The following RRM2 variants were observed in gnomAD, a reference collection of about 807,000 sequenced individuals.
RRM2 encodes the protein ribonucleotide reductase regulatory subunit M2, also known as ribonucleoside-diphosphate reductase subunit M2.
Under a neutral mutation model 45.9 loss-of-function variants are expected in RRM2, and 6 were observed. The ratio of observed to expected loss-of-function variants is 0.13; its 90% confidence interval spans 0.07 to 0.26. RRM2 has a LOEUF of 0.26. Ranked by LOEUF, RRM2 falls within the 10% of genes least tolerant of loss-of-function variation. The pLI, the probability that RRM2 is intolerant of heterozygous loss-of-function variation, is 1.00. For missense variants in RRM2, 343 were observed against 489.5 expected, an observed-to-expected ratio of 0.70 and a Z score of 2.82; for synonymous variants, 177 against 173.0, an observed-to-expected ratio of 1.02 and a Z score of -0.18.
At chr2:10,206,035 A>G (rs1664657831) in intron 3 of RRM2, among the ~76,000 whole-genome samples, 1 of 152,052 alleles carries the variant, frequency 6.6e-6, no homozygotes, top group Non-Finnish European at 1.5e-5. Context: ...TCATGAGGTC[A>G]GGAGATCGAG....
downstream of RRM2, among the ~76,000 whole-genome samples, chr2:10,133,432 C>T (rs533050793): frequency 6.6e-6 from 1 of 152,232 alleles, no homozygotes; most frequent in Non-Finnish European, 1.5e-5. Flanking sequence ...TGTTCTGTCA[C>T]CTGGCCAGGG....
intron 5 of RRM2, 115 bp downstream of exon 5, chr2:10,124,965 G>A: frequency 1.1e-6 from 1 of 938,996 alleles, no homozygotes; most frequent in East Asian, 2.5e-5. Flanking sequence ...GACAGTCATA[G>A]GCATTCCCAG....
chr2:10,203,042 G>T (rs76017693), intron 3 of RRM2, among the ~76,000 whole-genome samples: 1 of 152,232 alleles, frequency 6.6e-6, no homozygotes, highest in Non-Finnish European at 1.5e-5. Context: ...CAAAAGGCCA[G>T]CGAGGGAGAA....
In RRM2 at chr2:10,129,315, G is replaced by A; in HGVS notation, c.1099G>A (p.Gly367Ser). The A allele has an allele frequency of 6.2e-7, 1 of 1,614,172 alleles. No individual in the cohort carries two copies. The highest frequency in any genetic ancestry group is 8.5e-7 in the Non-Finnish European group (1 of 1,180,008). ...GACTAACTTCTTTGAGAAGAGAGTA[G>A]GCGAGTATCAGAGGATGGGAGTGAT... ...GKTNFFEKRVGEYQRMGVMSS... is the reference protein window; with the variant it reads ...GKTNFFEKRVSEYQRMGVMSS... Residue 367 changes from glycine (G) to serine (S), a missense_variant, in exon 10 of 10, where the codon GGC becomes AGC. Coordinates refer to ENST00000304567, the MANE Select transcript of RRM2 (RefSeq NM_001034.4). This position sits in a 1 kb window ranked among gnomAD's most constrained non-coding sequence, Gnocchi z 4.8.
At chr2:10,123,874 C>G in intron 4 of RRM2, 22 bp downstream of exon 4, 1 of 1,331,750 alleles carries the variant, frequency 7.5e-7, no homozygotes, top group Admixed American at 1.7e-5. Flanking sequence ...AAACATCTTT[C>G]ATTCATTTGA....
At chr2:10,179,023 T>C (rs944247836) in intron 3 of RRM2, among the ~76,000 whole-genome samples, 1 of 150,406 alleles carries the variant, frequency 6.6e-6, no homozygotes, top group Non-Finnish European at 1.5e-5. Context: ...TTATAAATTA[T>C]GCAGTCTAGG....
chr2:10,179,802 G>A (rs1265937054), intron 3 of RRM2, among the ~76,000 whole-genome samples: 1 of 152,174 alleles, frequency 6.6e-6, no homozygotes, highest in East Asian at 1.9e-4. Flanking sequence ...GGGATTGTCA[G>A]TATTTTTAGA....
At chr2:10,138,364 T>C (rs574273626), upstream of RRM2, among the ~76,000 whole-genome samples, 2 of 152,156 alleles carry the variant, frequency 1.3e-5, no homozygotes, top group South Asian at 4.2e-4. Flanking sequence ...ACGGGGTTTC[T>C]GCATGTTGGT....
chr2:10,145,623 A>C (rs1206254674), intron 3 of RRM2: 1 of 152,252 alleles, frequency 6.6e-6, no homozygotes, highest in Non-Finnish European at 1.5e-5. Context: ...GGTGCCAGAC[A>C]GTGGGCCTGG....
chr2:10,143,089 G>A lies in RRM2; in HGVS notation n.482+714G>A, dbSNP rs1280939472. 3.9e-5 allele frequency among the ~76,000 whole-genome samples: 6 copies of A among 152,334 alleles called. No individual in the cohort carries two copies. The South Asian group carries it at 1.2e-3, about 32-fold the overall frequency. Reference sequence around the variant, plus strand: ...AGAGTTTCACCGTGTTAGCCAGGATGGTCTTGATCTCCTGACCTCGTGATC... The same window carrying A: ...AGAGTTTCACCGTGTTAGCCAGGATAGTCTTGATCTCCTGACCTCGTGATC... On this transcript the variant is annotated intron_variant and non_coding_transcript_variant, in intron 3 of 3. Transcript: ENST00000381786.
At chr2:10,155,411 C>T (rs567517974) in intron 3 of RRM2, among the ~76,000 whole-genome samples, 6 of 152,276 alleles carry the variant, frequency 3.9e-5, no homozygotes, top group African/African-American at 1.2e-4. Context: ...TCCATCCAGC[C>T]GGTGAGCCAG....
At chr2:10,150,173 C>T (rs946418942) in intron 3 of RRM2, among the ~76,000 whole-genome samples, 11 of 152,092 alleles carry the variant, frequency 7.2e-5, no homozygotes, top group East Asian at 3.9e-4. Flanking sequence ...ATTAGCCGGG[C>T]GTGGTGGTGC....
At chr2:10,159,748 A>G (rs929381477) in intron 3 of RRM2, among the ~76,000 whole-genome samples, 7 of 152,102 alleles carry the variant, frequency 4.6e-5, no homozygotes, top group Admixed American at 2.0e-4. Flanking sequence ...CTTTTCCCCA[A>G]CACTCAGATC....
chr2:10,124,402 G>A (rs190435090), intron 4 of RRM2, among the ~76,000 whole-genome samples: 3 of 152,216 alleles, frequency 2.0e-5, no homozygotes, highest in Non-Finnish European at 4.4e-5. Context: ...CACCACGCCC[G>A]GCTCTGCTCC....
In RRM2 at chr2:10,171,689, T is replaced by C. The variant is rs776826231; in HGVS notation, n.482+29314T>C. Reference sequence around the variant, plus strand: ...GGATGCCACCCCAGGACCCCTGGCATAGGGAGCCGAGCAGGGCAGCCGGGC... The same window carrying C: ...GGATGCCACCCCAGGACCCCTGGCACAGGGAGCCGAGCAGGGCAGCCGGGC... On this transcript the variant is annotated intron_variant and non_coding_transcript_variant, in intron 3 of 3. Transcript: ENST00000381786. This position sits in a 1 kb window ranked among gnomAD's most constrained non-coding sequence, Gnocchi z 4.1. Among the ~76,000 whole-genome samples the C allele has an allele frequency of 3.9e-5, 6 of 152,208 alleles. No homozygotes were observed. Among genetic ancestry groups the C allele is most frequent in the East Asian group, 3.9e-4 (2 of 5,184 alleles).
intron 3 of RRM2, among the ~76,000 whole-genome samples, chr2:10,160,174 G>A (rs1663526946): frequency 1.3e-5 from 2 of 152,256 alleles, no homozygotes; most frequent in Admixed American, 6.5e-5. Flanking sequence ...CACATAGTTC[G>A]GGTTTCACCT....
intron 3 of RRM2, 46 bp downstream of exon 3, chr2:10,123,576 C>G: frequency 1.3e-6 from 2 of 1,577,650 alleles, no homozygotes; most frequent in Non-Finnish European, 1.7e-6. Context: ...GACCGTCACG[C>G]CTCAGACATA....
At chr2:10,158,303 G>A (rs544329315) in intron 3 of RRM2, among the ~76,000 whole-genome samples, 7 of 152,288 alleles carry the variant, frequency 4.6e-5, no homozygotes, top group Admixed American at 1.3e-4. Context: ...ACAGGAAAGC[G>A]CTCGCGAACT....
chr2:10,193,483 C>G (rs530215582), intron 3 of RRM2, among the ~76,000 whole-genome samples: 1 of 152,374 alleles, frequency 6.6e-6, no homozygotes, highest in Admixed American at 6.5e-5. Flanking sequence ...ATTCTGCCCA[C>G]TCCTCTGCAA....
Sources: allele counts gnomAD v4.1 joint callset (sites outside exome capture counted in the v4.1 genomes callset), GRCh38; gene constraint gnomAD v4.1.1; non-coding constraint Gnocchi (gnomAD v3.1); transcripts MANE v1.5; gene names NCBI Gene and HGNC (gene_info 2026-07-23, HGNC 2026-07-21).